GAS2: variants seen among roughly 807,000 people sequenced by gnomAD.
GAS2 encodes growth arrest specific 2.
In GAS2, 20 loss-of-function variants were observed where a neutral mutation model predicts 37.5. The observed-to-expected ratio is 0.53, with a 90% CI of 0.37 to 0.77. The LOEUF is 0.77. GAS2 is among the 30% of genes least tolerant of loss of function. GAS2 has a pLI of 0.00. For synonymous variants in GAS2, 144 were observed against 132.2 expected, an observed-to-expected ratio of 1.09 and a Z score of -0.61; for missense variants, 336 against 373.4, an observed-to-expected ratio of 0.90 and a Z score of 0.82.
chr11:22,675,240 G>A (rs547861448), intron 2 of GAS2, among the ~76,000 whole-genome samples: 65 of 152,320 alleles, frequency 4.3e-4, no homozygotes, highest in African/African-American at 1.5e-3. Context: ...GCACTCAAAT[G>A]TGGAAATATG....
chr11:22,769,613 A>T (rs747800102), intron 7 of GAS2, among the ~76,000 whole-genome samples: 2 of 152,236 alleles, frequency 1.3e-5, no homozygotes, highest in Non-Finnish European at 2.9e-5. Flanking sequence ...CTATCTAATC[A>T]TGGGAGGGGA....
chr11:22,740,467 T>A (rs1255271121), intron 5 of GAS2, among the ~76,000 whole-genome samples: 1 of 152,028 alleles, frequency 6.6e-6, no homozygotes, highest in Admixed American at 6.6e-5. Flanking sequence ...CCTTCAGCAA[T>A]AAAAAAAATC....
At chr11:22,790,046 T>C (rs190403389) in intron 7 of GAS2, among the ~76,000 whole-genome samples, 1 of 152,352 alleles carries the variant, frequency 6.6e-6, no homozygotes, top group East Asian at 1.9e-4. Flanking sequence ...TTCTCCTCTG[T>C]TAAATGGGTT....
chr11:22,719,110 C>T (rs944568423), intron 3 of GAS2, among the ~76,000 whole-genome samples: 2 of 152,050 alleles, frequency 1.3e-5, no homozygotes, highest in Admixed American at 6.6e-5. Flanking sequence ...TATATGCATA[C>T]GTTATGAAAT....
chr11:22,801,459 T>A (rs199806207), intron 7 of GAS2, among the ~76,000 whole-genome samples: 1 of 151,618 alleles, frequency 6.6e-6, no homozygotes, highest in African/African-American at 2.4e-5. Context: ...AGTTTTTTTT[T>A]TTATTATTTA....
chr11:22,641,326 A>ATATATATTTT (rs1390609458), intron 1 of GAS2, among the ~76,000 whole-genome samples: 1 of 82,040 alleles, frequency 1.2e-5, no homozygotes, highest in Admixed American at 1.2e-4. Context: ...ATATATCTTT[A>ATATATATTTT]TATATATATT....
chr11:22,708,230 T>C (rs902479715), intron 3 of GAS2, among the ~76,000 whole-genome samples: 2 of 152,190 alleles, frequency 1.3e-5, no homozygotes, highest in Non-Finnish European at 2.9e-5. Flanking sequence ...TTGATAGATG[T>C]ACTGAATAGC....
At chr11:22,759,096 A>G (rs1341358272) in intron 7 of GAS2, among the ~76,000 whole-genome samples, 1 of 152,122 alleles carries the variant, frequency 6.6e-6, no homozygotes, top group Non-Finnish European at 1.5e-5. Context: ...ATGTATGTAT[A>G]TGAACATATC....
intron 1 of GAS2, among the ~76,000 whole-genome samples, chr11:22,656,433 A>G (rs1347083658): frequency 1.3e-5 from 2 of 152,246 alleles, no homozygotes; most frequent in Non-Finnish European, 2.9e-5. Context: ...GTAAGAAAAG[A>G]AAAAATAGTA....
At position 22,767,616 on chromosome 11, in the gene GAS2, T is replaced by A. The variant is rs371743535; in HGVS notation, c.723+11663T>A. On this transcript the variant is annotated intron_variant, in intron 7 of 7. Transcript: ENST00000454584. Reference sequence around the variant, plus strand: ...ATAATGTGTTGTGTTCTTGAATAACTGATGAGTCTTCTAGCTGCCAAAGAA... The same window carrying A: ...ATAATGTGTTGTGTTCTTGAATAACAGATGAGTCTTCTAGCTGCCAAAGAA... Among the ~76,000 whole-genome samples the A allele has an allele frequency of 7.9e-4, 120 of 152,298 alleles. 5 individuals are homozygous for A. In the South Asian group the frequency reaches 0.024, roughly 30 times the overall value.
chr11:22,775,843 C>T (rs994011447), intron 7 of GAS2, among the ~76,000 whole-genome samples: 2 of 152,168 alleles, frequency 1.3e-5, no homozygotes, highest in African/African-American at 2.4e-5. Flanking sequence ...TAATTTAGTA[C>T]ATGGCTTGTT....
chr11:22,741,527 A>G (rs1176679675), intron 5 of GAS2, among the ~76,000 whole-genome samples: 2 of 152,006 alleles, frequency 1.3e-5, no homozygotes, highest in Admixed American at 6.6e-5. Context: ...GGAGTTTTTT[A>G]TGAATTTTAT....
At chr11:22,694,169 G>C (rs1009380814) in intron 3 of GAS2, among the ~76,000 whole-genome samples, 12 of 151,958 alleles carry the variant, frequency 7.9e-5, no homozygotes, top group African/African-American at 2.9e-4. Context: ...TAAAATAAAA[G>C]TTAAAAAAAT....
At chr11:22,657,600 C>T (rs1848870858) in intron 1 of GAS2, among the ~76,000 whole-genome samples, 1 of 152,020 alleles carries the variant, frequency 6.6e-6, no homozygotes, top group African/African-American at 2.4e-5. Context: ...TGAATAAACT[C>T]TAAATACAAA....
intron 3 of GAS2, among the ~76,000 whole-genome samples, chr11:22,686,655 C>T (rs1254447713): frequency 6.9e-6 from 1 of 144,742 alleles, no homozygotes; most frequent in African/African-American, 2.5e-5. Context: ...GAGGCTGAGG[C>T]GGGAGAATCG....
At chr11:22,723,974 G>A (rs890090765) in intron 3 of GAS2, among the ~76,000 whole-genome samples, 37 of 151,828 alleles carry the variant, frequency 2.4e-4, no homozygotes, top group Non-Finnish European at 4.9e-4. Context: ...TATAAAATAA[G>A]TAAATGTTCC....
chr11:22,716,005 AG>A (rs1206660277), intron 3 of GAS2, among the ~76,000 whole-genome samples: 1 of 152,228 alleles, frequency 6.6e-6, no homozygotes, highest in African/African-American at 2.4e-5. Context: ...GCCATGATCA[AG>A]TGGGTTTCAT....
intron 3 of GAS2, among the ~76,000 whole-genome samples, chr11:22,696,410 CATGT>C (rs1288830937): frequency 6.6e-6 from 1 of 152,068 alleles, no homozygotes; most frequent in Non-Finnish European, 1.5e-5. Context: ...CATACGTGTG[CATGT>C]GTCTTTATAG....
chr11:22,728,204 A>G (rs1852304090), intron 4 of GAS2, among the ~76,000 whole-genome samples: 1 of 152,004 alleles, frequency 6.6e-6, no homozygotes, highest in Non-Finnish European at 1.5e-5. Context: ...CTCATTGTCC[A>G]TGACTTCTTT....
Sources: gnomAD v4.1 joint callset for allele counts (sites outside exome capture counted in the v4.1 genomes callset) on GRCh38, gnomAD v4.1.1 for gene constraint, MANE v1.5 for transcripts, NCBI Gene and HGNC (gene_info 2026-07-23, HGNC 2026-07-21) for gene names.